PIGL: variants seen among roughly 807,000 people sequenced by gnomAD.
The protein encoded by PIGL is N-acetylglucosaminyl-phosphatidylinositol de-N-acetylase.
In PIGL, 22 loss-of-function variants were observed where a neutral mutation model predicts 31.1. The observed-to-expected ratio is 0.71, with a 90% CI of 0.51 to 1.01. The LOEUF is 1.01. Ranked by LOEUF, PIGL falls within the 50% of genes least tolerant of loss-of-function variation. The probability of loss-of-function intolerance (pLI) is 0.00; values close to 1 mark genes in which losing one functional copy is unlikely to be tolerated. For synonymous variants in PIGL, 131 were observed against 117.4 expected (o/e 1.12, Z -0.75); for missense variants, 302 against 315.9 (o/e 0.96, Z 0.33).
At chr17:16,314,711 A>G (rs3112515) in intron 4 of PIGL, among the ~76,000 whole-genome samples, 150,181 of 152,336 alleles carry the variant, frequency 0.99, 74,078 homozygotes, top group Non-Finnish European at 0.99. Flanking sequence ...TAGAAGAGAC[A>G]TGCTCCTAGT....
At chr17:16,288,702 G>C (rs1410100312) in intron 2 of PIGL, among the ~76,000 whole-genome samples, 1 of 151,744 alleles carries the variant, frequency 6.6e-6, no homozygotes, top group Non-Finnish European at 1.5e-5. Flanking sequence ...ACTGTGCCCG[G>C]CTAATTTTGT....
intron 3 of PIGL, among the ~76,000 whole-genome samples, chr17:16,310,998 T>C (rs2093046891): frequency 6.6e-6 from 1 of 152,190 alleles, no homozygotes; most frequent in Non-Finnish European, 1.5e-5. Context: ...ATGTCTTTGC[T>C]CAATAAATGT....
chr17:16,258,107 G>GAA (rs1568802876), intron 2 of PIGL, among the ~76,000 whole-genome samples: 4 of 127,916 alleles, frequency 3.1e-5, no homozygotes, highest in East Asian at 4.7e-4. Context: ...GAGAGAAAGA[G>GAA]AGAGAGAGAG....
At position 16,257,396 on chromosome 17, in the gene PIGL, G is replaced by A. The variant is rs117602076; in HGVS notation, c.335+23326G>A. 9.7e-3 allele frequency among the ~76,000 whole-genome samples: 1,451 copies of A among 150,054 alleles called. 23 individuals carry two copies. Among genetic ancestry groups the A allele is most frequent in the East Asian group, 0.05 (258 of 5,152 alleles). ...CACACCATTGCACTCCAGCTTGGGC[G>A]ACAAGAGTAAAACTCCATCTAAAAA... is the stretch of plus-strand genomic sequence containing the variant. On this transcript the variant is annotated intron_variant, in intron 2 of 6. Coordinates refer to ENST00000225609, the MANE Select transcript of PIGL (RefSeq NM_004278.4).
intron 3 of PIGL, among the ~76,000 whole-genome samples, chr17:16,302,661 G>A (rs956517647): frequency 4.6e-5 from 7 of 151,894 alleles, no homozygotes; most frequent in East Asian, 3.9e-4. Context: ...ATGCAGTGGC[G>A]CGATCTCAGC....
At chr17:16,246,670 G>GTTTTT (rs1284256034) in intron 2 of PIGL, among the ~76,000 whole-genome samples, 1 of 106,536 alleles carries the variant, frequency 9.4e-6, no homozygotes, top group Non-Finnish European at 2.0e-5. Flanking sequence ...CCAGATCAAG[G>GTTTTT]TCTTTTTTTT....
chr17:16,325,352 AAAAAG>A (rs2093123163), intron 6 of PIGL, among the ~76,000 whole-genome samples: 3 of 146,894 alleles, frequency 2.0e-5, no homozygotes, highest in African/African-American at 8.1e-5. Flanking sequence ...AAAAAAAAAA[AAAAAG>A]AATGTGGACT....
chr17:16,265,702 TGCACTCGTA>T (rs2092839324), intron 2 of PIGL, among the ~76,000 whole-genome samples: 1 of 151,244 alleles, frequency 6.6e-6, no homozygotes, highest in African/African-American at 2.4e-5. Context: ...ATCGCACCAC[TGCACTCGTA>T]GCATGGGCAA....
intron 2 of PIGL, among the ~76,000 whole-genome samples, chr17:16,249,145 A>G (rs1408675121): frequency 6.6e-6 from 1 of 152,218 alleles, no homozygotes; most frequent in Non-Finnish European, 1.5e-5. Flanking sequence ...AAAATATTAA[A>G]TGGAAATTCC....
chr17:16,231,985 TA>T (rs1354150042), intron 1 of PIGL, among the ~76,000 whole-genome samples: 1 of 151,894 alleles, frequency 6.6e-6, no homozygotes, highest in Non-Finnish European at 1.5e-5. Flanking sequence ...GTAAACAAAT[TA>T]GGGGGAGATG....
intron 2 of PIGL, among the ~76,000 whole-genome samples, chr17:16,249,743 G>C (rs1568795727): frequency 1.3e-5 from 2 of 152,198 alleles, no homozygotes; most frequent in Admixed American, 6.5e-5. Context: ...CCAGCTTCAG[G>C]AGAGAGGAAA....
chr17:16,277,024 C>T (rs1050017606), intron 2 of PIGL, among the ~76,000 whole-genome samples: 1 of 152,166 alleles, frequency 6.6e-6, no homozygotes, highest in Non-Finnish European at 1.5e-5. Flanking sequence ...CCTCAAATAT[C>T]TATATGAGTT....
At chr17:16,309,146 G>A (rs1438569076) in intron 3 of PIGL, among the ~76,000 whole-genome samples, 14 of 152,078 alleles carry the variant, frequency 9.2e-5, no homozygotes, top group Admixed American at 7.2e-4. Flanking sequence ...TATAAGTAGT[G>A]TATTAATAGC....
At chr17:16,243,317 T>G (rs771650078) in intron 2 of PIGL, among the ~76,000 whole-genome samples, 1 of 152,256 alleles carries the variant, frequency 6.6e-6, no homozygotes, top group Non-Finnish European at 1.5e-5. Context: ...CCCAAAGTGT[T>G]GGGATTACAG....
chr17:16,246,672 C>CTTTTTTTTTTTTTTTTTTTTTTT lies in PIGL; in HGVS notation c.335+12604_335+12626dup, dbSNP rs1197171634. ...GCAGGCTAGAAGTCCAGATCAAGGT[C>CTTTTTTTTTTTTTTTTTTTTTTT]TTTTTTTTTTTTTTTTTTTTTTTTG... On this transcript the variant is annotated intron_variant, in intron 2 of 6. Coordinates refer to ENST00000225609, the MANE Select transcript of PIGL (RefSeq NM_004278.4). Among the ~76,000 whole-genome samples, 35 of 64,174 alleles carry CTTTTTTTTTTTTTTTTTTTTTTT rather than the reference C, an allele frequency of 5.5e-4. 10 individuals carry two copies. The highest frequency in any genetic ancestry group is 7.1e-4 in the Non-Finnish European group (23 of 32,468). 42.1% of individuals were successfully genotyped at this position (64,174 alleles called of 152,430 possible). A position where few individuals can be genotyped will look rare whatever the true frequency, so the allele number is the denominator to read the frequency against.
chr17:16,234,276 C>T (rs1291332866), intron 2 of PIGL: 7 of 457,016 alleles, frequency 1.5e-5, no homozygotes, highest in East Asian at 3.3e-5. Context: ...GCCTGGCCAA[C>T]ATGGTAAAAC....
At chr17:16,306,557 T>C (rs1227073365) in intron 3 of PIGL, among the ~76,000 whole-genome samples, 1 of 150,298 alleles carries the variant, frequency 6.7e-6, no homozygotes, top group African/African-American at 2.5e-5. Flanking sequence ...AGATAGAGTT[T>C]CCCTCTTGTT....
At chr17:16,293,858 G>T (rs1431131759) in intron 2 of PIGL, among the ~76,000 whole-genome samples, 1 of 152,178 alleles carries the variant, frequency 6.6e-6, no homozygotes, top group African/African-American at 2.4e-5. Context: ...TTCAAATCAG[G>T]TACGAAGTGG....
At chr17:16,306,041 C>T (rs541872718) in intron 3 of PIGL, among the ~76,000 whole-genome samples, 15 of 152,190 alleles carry the variant, frequency 9.9e-5, no homozygotes, top group Non-Finnish European at 1.5e-4. Context: ...CTCCGCCTCC[C>T]GGGTTCAAGC....
Sources: allele counts gnomAD v4.1 joint callset (sites outside exome capture counted in the v4.1 genomes callset), GRCh38; gene constraint gnomAD v4.1.1; transcripts MANE v1.5; gene names NCBI Gene and HGNC (gene_info 2026-07-23, HGNC 2026-07-21).